GPR39: variants seen among roughly 807,000 people sequenced by gnomAD.
GPR39 encodes the protein G protein-coupled receptor 39.
Under a neutral mutation model 18.4 loss-of-function variants are expected in GPR39, and 23 were observed. The ratio of observed to expected loss-of-function variants is 1.25; its 90% CI spans 0.90 to 1.77. The LOEUF (loss-of-function observed/expected upper bound fraction) is 1.77. Ranked by LOEUF, GPR39 falls within the 40% of genes most tolerant of loss-of-function variation. GPR39 has a pLI of 0.00. For synonymous variants in GPR39, 280 were observed against 257.9 expected (o/e 1.09, Z -0.82); for missense variants, 647 against 602.4 (o/e 1.07, Z -0.78).
intron 1 of GPR39, among the ~76,000 whole-genome samples, chr2:132,448,995 C>T (rs1364655767): frequency 1.3e-5 from 2 of 152,194 alleles, no homozygotes; most frequent in African/African-American, 2.4e-5. Flanking sequence ...TCCGCAACCC[C>T]CTGCAGGCTG....
Position 132,417,462 on chromosome 2 carries a change from C to T in GPR39, c.420C>T (p.Pro140=). The part of the protein sequence containing the change: ...SFERYIAICH[P]FRYKAVSGPC... ...AGCGCTACATCGCCATCTGTCACCC[C>T]TTCAGGTACAAGGCTGTGTCGGGAC... The change falls in exon 1 of 2, where the codon CCC becomes CCT. Residue 140 remains proline, a synonymous_variant. Transcript: ENST00000329321. The T allele has an allele frequency of 6.2e-7, 1 of 1,614,206 alleles. No homozygotes were observed. The highest frequency in any genetic ancestry group is 8.5e-7 in the Non-Finnish European group (1 of 1,180,030).
chr2:132,558,532 C>G (rs748939368), intron 1 of GPR39, among the ~76,000 whole-genome samples: 1 of 152,190 alleles, frequency 6.6e-6, no homozygotes, highest in Non-Finnish European at 1.5e-5. Context: ...CACAATGTAA[C>G]TGGCAGGTCC....
At chr2:132,638,426 C>A (rs1681803093) in intron 1 of GPR39, among the ~76,000 whole-genome samples, 1 of 152,148 alleles carries the variant, frequency 6.6e-6, no homozygotes, top group Admixed American at 6.5e-5. Flanking sequence ...GCTTGTTAAC[C>A]CCAGATTGTG....
rs547101632 is a variant in GPR39, at chr2:132,627,957, C to T, written c.857-17144C>T. On this transcript the variant is annotated intron_variant, in intron 1 of 1. Transcript: ENST00000329321. ...TGATTAAGTGAGGGCAGGTGACTGG[C>T]TGTGCCAGCAATGACCCAGGTGGAC... is the stretch of plus-strand genomic sequence containing the variant. Among the ~76,000 whole-genome samples, 12 of 152,292 alleles carry T rather than the reference C, an allele frequency of 7.9e-5. No homozygotes were observed. The East Asian group carries it at 2.3e-3, about 29-fold the overall frequency.
At position 132,645,146 on chromosome 2, in the gene GPR39, T is replaced by C; in HGVS notation, c.902T>C (p.Ile301Thr). 2 of 1,614,148 alleles carry C rather than the reference T, an allele frequency of 1.2e-6. No individual in the cohort carries two copies. The highest frequency in any genetic ancestry group is 2.2e-5 in the South Asian group (2 of 91,064). ...GCCGTATGCTGGATGCCCAACCAGA[T>C]TCGGAGGATCATGGCTGCGGCCAAA... The part of the protein sequence containing the change: ...TLAVCWMPNQ[I>T]RRIMAAAKPK... The change falls in exon 2 of 2, where the codon ATT becomes ACT. Residue 301 changes from isoleucine (I) to threonine (T), a missense_variant. Coordinates refer to ENST00000329321, the MANE Select transcript of GPR39 (RefSeq NM_001508.3).
rs769757790 is a variant in GPR39 at position 132,645,477 on chromosome 2, C to T, written c.1233C>T (p.Ser411=). 1.2e-6 allele frequency: 2 copies of T among 1,614,054 alleles called. No individual in the cohort carries two copies. Among genetic ancestry groups the T allele is most frequent in the Non-Finnish European group, 1.7e-6 (2 of 1,180,030 alleles). The change falls in exon 2 of 2, where the codon AGC becomes AGT. Residue 411 remains serine (S), a synonymous_variant. Coordinates refer to ENST00000329321, the MANE Select transcript of GPR39 (RefSeq NM_001508.3). ...GGAGAACTGAGAAGATTTTCTTAAG[C>T]ACTTTTCAGAGCGAGGCCGAGCCCC... is the stretch of plus-strand genomic sequence containing the variant. ...SARRTEKIFL[S]TFQSEAEPQS...
intron 1 of GPR39, among the ~76,000 whole-genome samples, chr2:132,437,301 T>C (rs1680342511): frequency 6.6e-6 from 1 of 152,210 alleles, no homozygotes; most frequent in Non-Finnish European, 1.5e-5. Flanking sequence ...AAAATGCCAA[T>C]CTGAAGCCAG....
chr2:132,583,197 G>A (rs1333725940), intron 1 of GPR39, among the ~76,000 whole-genome samples: 1 of 152,024 alleles, frequency 6.6e-6, no homozygotes, highest in Non-Finnish European at 1.5e-5. Flanking sequence ...ACAGGCTTGA[G>A]CCACCTCACA....
At chr2:132,453,416 C>T (rs993339986) in intron 1 of GPR39, among the ~76,000 whole-genome samples, 1 of 151,950 alleles carries the variant, frequency 6.6e-6, no homozygotes, top group Non-Finnish European at 1.5e-5. Flanking sequence ...AAAATTTTTT[C>T]CCATTCTGTA....
At position 132,417,873 on chromosome 2, in the gene GPR39, C is replaced by T. The variant is rs746582710; in HGVS notation, c.831C>T (p.Ala277=). ...RKSESEESRT[A]RRQTIIFLRL... ...CCGAGAGCGAAGAGAGCAGGACCGC[C>T]AGGAGGCAGACCATCATCTTCCTGA... The change falls in exon 1 of 2, where the codon GCC becomes GCT. Residue 277 remains alanine (A), a synonymous_variant. Transcript: ENST00000329321. The T allele has an allele frequency of 1.3e-6, 2 of 1,596,736 alleles. No homozygotes were observed. The highest frequency in any genetic ancestry group is 1.7e-5 in the Admixed American group (1 of 59,668).
chr2:132,440,476 G>A (rs184279255), intron 1 of GPR39, among the ~76,000 whole-genome samples: 218 of 152,256 alleles, frequency 1.4e-3, no homozygotes, highest in Middle Eastern at 0.014. Context: ...TTTAGGGGAA[G>A]GATGTATAAG....
intron 1 of GPR39, among the ~76,000 whole-genome samples, chr2:132,519,959 C>T (rs1043196011): frequency 4.6e-5 from 7 of 152,158 alleles, no homozygotes; most frequent in African/African-American, 1.4e-4. Flanking sequence ...AAAAGCACTT[C>T]GGTAGCTCCC....
chr2:132,639,646 A>T (rs748618619), intron 1 of GPR39, among the ~76,000 whole-genome samples: 2 of 152,184 alleles, frequency 1.3e-5, no homozygotes, highest in African/African-American at 4.8e-5. Context: ...TGATAGATAG[A>T]CAGATGGAGT....
intron 1 of GPR39, among the ~76,000 whole-genome samples, chr2:132,573,770 C>T (rs1680482724): frequency 6.6e-6 from 1 of 152,150 alleles, no homozygotes; most frequent in Non-Finnish European, 1.5e-5. Context: ...TGTCAGCTGC[C>T]ACCGATAGGG....
intron 1 of GPR39, among the ~76,000 whole-genome samples, chr2:132,458,673 T>G (rs867006936): frequency 2.4e-4 from 36 of 152,310 alleles, no homozygotes; most frequent in African/African-American, 8.4e-4. Flanking sequence ...TCCTTCTTGA[T>G]GACAAAGTTT....
intron 1 of GPR39, among the ~76,000 whole-genome samples, chr2:132,467,682 CTT>C (rs1680954082): frequency 6.6e-6 from 1 of 152,172 alleles, no homozygotes; most frequent in African/African-American, 2.4e-5. Flanking sequence ...GCTCATGAAA[CTT>C]TAATGAATAA....
chr2:132,646,330 T>C lies in GPR39; in HGVS notation c.*724T>C, dbSNP rs1431211871. The C allele has an allele frequency of 3.1e-6, 4 of 1,287,760 alleles. No homozygotes were observed. The Admixed American group carries it at 9.6e-5, about 31-fold the overall frequency. The allele number at this position is 1,287,760 out of a possible 1,614,324, so 79.8% of individuals were successfully genotyped here. A position where few individuals can be genotyped will look rare whatever the true frequency, so the allele number is the denominator to read the frequency against. The stretch of plus-strand genomic sequence containing the variant: ...GAGTTAACGTGCACCGGCAAAAGAA[T>C]AGCTGTCCCTCTCAGCCCAAATCCA... On this transcript the variant is annotated 3_prime_UTR_variant, in exon 2 of 2. Transcript: ENST00000329321.
chr2:132,529,301 G>T (rs190107044), intron 1 of GPR39, among the ~76,000 whole-genome samples: 2,154 of 152,290 alleles, frequency 0.014, 55 homozygotes, highest in African/African-American at 0.049. Context: ...CAGCGAGGCT[G>T]GGGGAGGGGC....
intron 1 of GPR39, among the ~76,000 whole-genome samples, chr2:132,531,592 G>C (rs1679632643): frequency 6.6e-6 from 1 of 152,150 alleles, no homozygotes; most frequent in Non-Finnish European, 1.5e-5. Context: ...TGACCACGTA[G>C]TTGGAAGTAA....
Sources: gnomAD v4.1 joint callset for allele counts (sites outside exome capture counted in the v4.1 genomes callset) on GRCh38, gnomAD v4.1.1 for gene constraint, MANE v1.5 for transcripts, NCBI Gene and HGNC (gene_info 2026-07-23, HGNC 2026-07-21) for gene names.